Variants in APBB2 observed in about 807,000 individuals in gnomAD.
The protein encoded by APBB2 is Fe65-like 1.
A neutral mutation model predicts 82.5 loss-of-function variants in APBB2; 38 were observed. That is an observed-to-expected ratio of 0.46 (90% CI 0.36 to 0.60). APBB2 has a LOEUF of 0.60. Among genes scored for constraint, APBB2 ranks in the 20% least tolerant of loss-of-function variants. The pLI, the probability that APBB2 is intolerant of heterozygous loss-of-function variation, is 0.00. For missense variants in APBB2, 772 were observed against 972.3 expected, an observed-to-expected ratio of 0.79 and a Z score of 2.74; for synonymous variants, 341 against 368.2, an observed-to-expected ratio of 0.93 and a Z score of 0.85.
At position 41,099,086 on chromosome 4, in the gene APBB2, A is replaced by AT. The variant is rs1390493225; in HGVS notation, c.-149+1552_-149+1553insA. Among the ~76,000 whole-genome samples, 8 of 152,330 alleles carry AT rather than the reference A, an allele frequency of 5.3e-5. No individual in the cohort carries two copies. In the East Asian group the frequency reaches 1.5e-3, roughly 29 times the overall value. On this transcript the variant is annotated intron_variant, in intron 3 of 17. Transcript: ENST00000508593. Reference sequence around the variant, plus strand: ...TACAAATATTTCACTGTAACAAAAAAATATATTTTGGGTGAGATTTTCCTT... The same window carrying AT: ...TACAAATATTTCACTGTAACAAAAAATATATATTTTGGGTGAGATTTTCCTT...
chr4:40,818,423 T>C (rs1051533455), intron 17 of APBB2, among the ~76,000 whole-genome samples: 2 of 152,244 alleles, frequency 1.3e-5, no homozygotes, highest in African/African-American at 4.8e-5. Flanking sequence ...AAACTCATTG[T>C]CGTTATCACT....
At chr4:40,955,531 T>C (rs1205133622) in intron 6 of APBB2, among the ~76,000 whole-genome samples, 1 of 152,274 alleles carries the variant, frequency 6.6e-6, no homozygotes, top group East Asian at 1.9e-4. Context: ...AAAGTCTTAG[T>C]GGCAGCTGCT....
chr4:41,201,714 G>T (rs1471106080), intron 1 of APBB2, among the ~76,000 whole-genome samples: 2 of 152,030 alleles, frequency 1.3e-5, no homozygotes, highest in Non-Finnish European at 2.9e-5. Flanking sequence ...ACATGGGCAA[G>T]AAAAAAAGGT....
chr4:41,095,168 T>C (rs28452891), intron 3 of APBB2, among the ~76,000 whole-genome samples: 253 of 152,336 alleles, frequency 1.7e-3, no homozygotes, highest in African/African-American at 5.7e-3. Flanking sequence ...CTGTGTGACA[T>C]TGGACAAGTT....
intron 3 of APBB2, among the ~76,000 whole-genome samples, chr4:41,074,701 C>G (rs1735044736): frequency 6.6e-6 from 1 of 151,616 alleles, no homozygotes; most frequent in Admixed American, 6.6e-5. Flanking sequence ...GCTCCGCCTC[C>G]CGGGTTCACG....
chr4:40,951,278 G>GT (rs1329858214), intron 6 of APBB2, among the ~76,000 whole-genome samples: 8 of 151,986 alleles, frequency 5.3e-5, no homozygotes, highest in East Asian at 1.9e-4. Flanking sequence ...CTCTATGTAT[G>GT]TTTTTTTGCA....
intron 1 of APBB2, among the ~76,000 whole-genome samples, chr4:41,154,563 T>C (rs1375118426): frequency 6.6e-6 from 1 of 152,100 alleles, no homozygotes; most frequent in African/African-American, 2.4e-5. Context: ...TCCTGTGCCA[T>C]AATTTTACCC....
intron 1 of APBB2, among the ~76,000 whole-genome samples, chr4:41,209,573 G>C (rs183794322): frequency 6.6e-6 from 1 of 152,192 alleles, no homozygotes; most frequent in Admixed American, 6.5e-5. Flanking sequence ...TCACAAGGGT[G>C]GGCCTGGGAA....
chr4:41,054,032 G>A (rs1010307990), intron 4 of APBB2, among the ~76,000 whole-genome samples: 1 of 152,154 alleles, frequency 6.6e-6, no homozygotes, highest in African/African-American at 2.4e-5. Context: ...ACCTAACAGT[G>A]GATTCAACAA....
chr4:40,983,740 G>A (rs56224230), intron 6 of APBB2, among the ~76,000 whole-genome samples: 8,960 of 152,082 alleles, frequency 0.059, 861 homozygotes, highest in African/African-American at 0.2. Context: ...ACCATACCCC[G>A]CTAATTTTTG....
chr4:40,898,382 G>C (rs1218781892), intron 10 of APBB2, among the ~76,000 whole-genome samples: 2 of 152,126 alleles, frequency 1.3e-5, no homozygotes, highest in African/African-American at 2.4e-5. Flanking sequence ...TCCTGCCTCA[G>C]CCTCCCGAGT....
chr4:41,053,346 G>A (rs554725595), intron 4 of APBB2, among the ~76,000 whole-genome samples: 4 of 151,454 alleles, frequency 2.6e-5, no homozygotes, highest in Non-Finnish European at 4.4e-5. Context: ...CATGTGGAAA[G>A]TAATCCTGAG....
chr4:40,941,768 C>T (rs1366521040), intron 7 of APBB2, among the ~76,000 whole-genome samples: 3 of 152,064 alleles, frequency 2.0e-5, no homozygotes, highest in Admixed American at 2.0e-4. Context: ...GTAGCTTGGG[C>T]TACAGGCACA....
intron 5 of APBB2, among the ~76,000 whole-genome samples, chr4:41,021,809 C>T (rs1308216639): frequency 6.6e-6 from 1 of 152,158 alleles, no homozygotes; most frequent in Non-Finnish European, 1.5e-5. Context: ...TGGGTCCACA[C>T]CACCTTTATG....
intron 4 of APBB2, among the ~76,000 whole-genome samples, chr4:41,064,363 G>A (rs549942859): frequency 3.9e-5 from 6 of 152,286 alleles, no homozygotes; most frequent in Admixed American, 3.9e-4. Flanking sequence ...GAAAAAAACT[G>A]AGCTGCACAA....
At chr4:41,202,837 C>T (rs1240539872) in intron 1 of APBB2, among the ~76,000 whole-genome samples, 1 of 152,194 alleles carries the variant, frequency 6.6e-6, no homozygotes, top group African/African-American at 2.4e-5. Context: ...CAAGACAGCA[C>T]TGTATTGTTA....
intron 3 of APBB2, among the ~76,000 whole-genome samples, chr4:41,066,136 GAA>G (rs36009324): frequency 6.7e-5 from 7 of 104,566 alleles, no homozygotes; most frequent in African/African-American, 1.9e-4. Flanking sequence ...ATGTTGATTG[GAA>G]AAAAAAAAAA....
intron 2 of APBB2, among the ~76,000 whole-genome samples, chr4:41,140,760 T>C (rs1758894940): frequency 6.6e-6 from 1 of 152,262 alleles, no homozygotes; most frequent in Non-Finnish European, 1.5e-5. Flanking sequence ...TAGATTCTCA[T>C]AGGAACGCAA....
At chr4:41,210,287 T>TA (rs1447965810) in intron 1 of APBB2, among the ~76,000 whole-genome samples, 1 of 152,168 alleles carries the variant, frequency 6.6e-6, no homozygotes, top group Non-Finnish European at 1.5e-5. Flanking sequence ...AAGGACCCGA[T>TA]AGACAACCAG....
Sources: gnomAD v4.1 joint callset for allele counts (sites outside exome capture counted in the v4.1 genomes callset) on GRCh38, gnomAD v4.1.1 for gene constraint, MANE v1.5 for transcripts, NCBI Gene and HGNC (gene_info 2026-07-23, HGNC 2026-07-21) for gene names.